FBF1: variants seen among roughly 807,000 people sequenced by gnomAD.
FBF1 encodes the protein fas-binding factor 1.
Under a neutral mutation model 147.2 loss-of-function variants are expected in FBF1, and 119 were observed. The observed-to-expected ratio is 0.81, with a 90% CI of 0.70 to 0.94. FBF1 has a LOEUF of 0.94. FBF1 is among the 40% of genes least tolerant of loss of function. The pLI, the probability that FBF1 is intolerant of heterozygous loss-of-function variation, is 0.00. For synonymous variants in FBF1, 601 were observed against 609.0 expected (o/e 0.99, Z 0.19); for missense variants, 1,449 against 1,500.8 (o/e 0.97, Z 0.57).
rs897899282 is a variant in FBF1 at position 75,919,376 on chromosome 17, C to T, written c.2138+292G>A. 1.3e-5 allele frequency among the ~76,000 whole-genome samples: 2 copies of T among 152,216 alleles called. No homozygotes were observed. Among genetic ancestry groups the T allele is most frequent in the South Asian group, 2.1e-4 (1 of 4,832 alleles). On this transcript the variant is annotated intron_variant, in intron 20 of 29. Transcript: ENST00000636174. The surrounding 1 kb of genome is among the most constrained non-coding windows in gnomAD (Gnocchi z 5.0). Reference sequence around the variant, plus strand: ...TTCTAGCCTCTACTGCATGAGCAGGCGAGTGGATGACCCTGTGCTTAGTTA... The same window carrying T: ...TTCTAGCCTCTACTGCATGAGCAGGTGAGTGGATGACCCTGTGCTTAGTTA...
In FBF1 at chr17:75,918,211, GC is replaced by G; in HGVS notation, c.2196del (p.Leu733Ter). 1 of 1,613,470 alleles carries G rather than the reference GC, an allele frequency of 6.2e-7. No homozygotes were observed. Among genetic ancestry groups the G allele is most frequent in the Non-Finnish European group, 8.5e-7 (1 of 1,179,866 alleles). ...GCCGCATCGACCTCTCGGTCCTTCA[GC>G]AGCTTTAGCCGCTGCAGCTGCTCCT... ...DHEEQLQRLK[L>X]LKDREVDAAT... On this transcript the variant is annotated frameshift_variant, in exon 21 of 30. Transcript: ENST00000636174. LOFTEE classifies it high-confidence loss of function. This position sits in a 1 kb window ranked among gnomAD's most constrained non-coding sequence, Gnocchi z 5.8.
In FBF1 at chr17:75,920,401, C is replaced by T; in HGVS notation, c.1703G>A (p.Ser568Asn). Reference sequence around the variant, plus strand: ...CTGGTATTCTGTGCTCGGCAGCAGGCTCCGGGCCAGGGACTCTGGGAGCAG... The same window carrying T: ...CTGGTATTCTGTGCTCGGCAGCAGGTTCCGGGCCAGGGACTCTGGGAGCAG... Reference protein sequence around the residue: ...QPLLPESLARSLLPSTEYQKQ... With the variant: ...QPLLPESLARNLLPSTEYQKQ... The change falls in exon 18 of 30, where the codon AGC (serine) becomes AAC (asparagine). Residue 568 changes from serine (S) to asparagine (N), a missense_variant. By Grantham distance (46) the Ser-to-Asn change is conservative (BLOSUM62 1). Coordinates refer to ENST00000636174, the MANE Select transcript of FBF1 (RefSeq NM_001319193.2). 3 of 1,607,342 alleles carry T rather than the reference C, an allele frequency of 1.9e-6. No individual in the cohort carries two copies. The highest frequency in any genetic ancestry group is 1.1e-5 in the South Asian group (1 of 89,584).
chr17:75,929,965 AGTTCT>A, intron 7 of FBF1, 27 bp downstream of exon 7: 1 of 82,364 alleles, frequency 1.2e-5, no homozygotes, highest in Non-Finnish European at 2.6e-5. Flanking sequence ...ACCCACCCCC[AGTTCT>A]AAGAATCGTG....
In FBF1 at chr17:75,914,871, A is replaced by G; in HGVS notation, c.2690T>C (p.Leu897Pro). The G allele has an allele frequency of 3.2e-6, 5 of 1,582,632 alleles. No homozygotes were observed. Among genetic ancestry groups the G allele is most frequent in the Non-Finnish European group, 4.3e-6 (5 of 1,163,492 alleles). Reference protein sequence around the residue: ...MLKCGEERRRLAAEWAEFSAQ... With the variant: ...MLKCGEERRRPAAEWAEFSAQ... ...GGAGAACTCCGCCCACTCGGCAGCC[A>G]GGCGCCGCCGCTCCTCCCCGCACTT... Residue 897 changes from leucine to proline, a missense_variant, in exon 25 of 30, where the codon CTG (leucine) becomes CCG (proline). Leu to Pro is a moderately conservative substitution (Grantham distance 98). Coordinates refer to ENST00000636174, the MANE Select transcript of FBF1 (RefSeq NM_001319193.2).
chr17:75,936,259 A>G (rs965905339), intron 3 of FBF1, among the ~76,000 whole-genome samples: 2 of 152,082 alleles, frequency 1.3e-5, no homozygotes, highest in African/African-American at 4.8e-5. Flanking sequence ...GTTTGTAGTG[A>G]GCCGAGATCG....
chr17:75,928,016 C>A lies in FBF1; in HGVS notation c.397+60G>T. 6.5e-6 allele frequency: 9 copies of A among 1,382,510 alleles called. No homozygotes were observed. In the South Asian group the frequency reaches 1.1e-4, roughly 16 times the overall value. 85.6% of individuals were successfully genotyped at this position (1,382,510 alleles called of 1,614,324 possible). ...CTAGCATCTTCCACGTCCTCAAAGT[C>A]TCCCTAGCAGATGCGAGGAGCCGTC... On this transcript the variant is annotated intron_variant, in intron 8 of 29. Transcript: ENST00000636174. This position sits in a 1 kb window ranked among gnomAD's most constrained non-coding sequence, Gnocchi z 4.2.
rs2065544602 is a variant in FBF1, at chr17:75,923,860, C to T, written c.969-219G>A. Among the ~76,000 whole-genome samples the T allele has an allele frequency of 6.6e-6, 1 of 152,178 alleles. No homozygotes were observed. The highest frequency in any genetic ancestry group is 1.5e-5 in the Non-Finnish European group (1 of 68,040). On this transcript the variant is annotated intron_variant, in intron 13 of 29. Transcript: ENST00000636174. The surrounding 1 kb of genome is among the most constrained non-coding windows in gnomAD (Gnocchi z 4.1). ...TGACTTCCATCACATGAACCAGGGA[C>T]AGTTCTACCCACAGAGAACAGGAAC...
chr17:75,939,014 G>T (rs774258460), intron 1 of FBF1, among the ~76,000 whole-genome samples: 1 of 152,008 alleles, frequency 6.6e-6, no homozygotes, highest in Non-Finnish European at 1.5e-5. Context: ...AGTACTCTCA[G>T]GCTGGGCGCG....
At position 75,925,999 on chromosome 17, in the gene FBF1, G is replaced by A. The variant is rs773808063; in HGVS notation, c.868+31C>T. On this transcript the variant is annotated intron_variant, in intron 12 of 29. Transcript: ENST00000636174. This position sits in a 1 kb window ranked among gnomAD's most constrained non-coding sequence, Gnocchi z 5.0. ...AGCCTGATCTAGAGGCCTCCCTCCC[G>A]TCCTGTTGCGGCCCCCGCAAGCCTC... 7.6e-5 allele frequency: 120 copies of A among 1,583,020 alleles called. No homozygotes were observed. The highest frequency in any genetic ancestry group is 2.3e-4 in the Admixed American group (13 of 56,430).
intron 1 of FBF1, chr17:75,939,765 T>C (rs1216092877): frequency 1.3e-5 from 2 of 152,032 alleles, no homozygotes; most frequent in African/African-American, 4.8e-5. Flanking sequence ...TTGAGAACAT[T>C]TTCCTCGGAA....
Position 75,934,863 on chromosome 17 carries a change from G to A in FBF1, c.73+769C>T, listed in dbSNP as rs995800587. ...CATTGCACTCCAGCCTGGGCAACAA[G>A]AGTGAAACTCTGTCTCAAAAAAAAA... On this transcript the variant is annotated intron_variant, in intron 4 of 29. Coordinates refer to ENST00000636174, the MANE Select transcript of FBF1 (RefSeq NM_001319193.2). 3.4e-3 allele frequency among the ~76,000 whole-genome samples: 470 copies of A among 139,362 alleles called. 1 individual carries two copies. The highest frequency in any genetic ancestry group is 0.012 in the African/African-American group (441 of 37,148). The allele number at this position is 139,362 out of a possible 152,430, so 91.4% of individuals were successfully genotyped here. A position where few individuals can be genotyped will look rare whatever the true frequency, so the allele number is the denominator to read the frequency against.
At position 75,938,132 on chromosome 17, in the gene FBF1, C is replaced by T. The variant is rs770315159; in HGVS notation, c.3+15G>A. The T allele has an allele frequency of 6.1e-5, 99 of 1,613,356 alleles. 1 individual carries two copies. Among genetic ancestry groups the T allele is most frequent in the Non-Finnish European group, 7.6e-5 (90 of 1,179,758 alleles). On this transcript the variant is annotated intron_variant, in intron 2 of 29. Transcript: ENST00000636174. ...ATGTTCGCTTTCCATGCATCTTACTCTGAACTCTGCCTACCATCTCACGGC... is the reference window on the plus strand; with the variant it reads ...ATGTTCGCTTTCCATGCATCTTACTTTGAACTCTGCCTACCATCTCACGGC...
intron 6 of FBF1, among the ~76,000 whole-genome samples, chr17:75,930,540 A>C (rs1307766016): frequency 6.6e-6 from 1 of 152,158 alleles, no homozygotes; most frequent in Non-Finnish European, 1.5e-5. Context: ...CGGGTAGATC[A>C]CTTGAGGTCA....
At position 75,918,538 on chromosome 17, in the gene FBF1, C is replaced by T. The variant is rs2065503475; in HGVS notation, c.2139-269G>A. ...TCACCCAGAGTCTCTCACTCTGTCG[C>T]CCAGGCTGGAGTTCAGTGGCATGAT... On this transcript the variant is annotated intron_variant, in intron 20 of 29. Transcript: ENST00000636174. The surrounding 1 kb of genome is among the most constrained non-coding windows in gnomAD (Gnocchi z 5.8). Among the ~76,000 whole-genome samples, 1 of 152,208 alleles carries T rather than the reference C, an allele frequency of 6.6e-6. No individual in the cohort carries two copies. The highest frequency in any genetic ancestry group is 2.1e-4 in the South Asian group (1 of 4,836).
intron 10 of FBF1, among the ~76,000 whole-genome samples, 160 bp from the exon 11 acceptor site, chr17:75,926,586 G>A (rs1475768949): frequency 6.6e-6 from 1 of 152,200 alleles, no homozygotes; most frequent in Non-Finnish European, 1.5e-5. Flanking sequence ...CCTACTCCCA[G>A]ACTCACACGT....
Position 75,915,029 on chromosome 17 carries a change from C to T in FBF1, c.2616G>A (p.Leu872=). The change falls in exon 24 of 30, where the codon CTG becomes CTA. Residue 872 remains leucine (L), a synonymous_variant. Coordinates refer to ENST00000636174, the MANE Select transcript of FBF1 (RefSeq NM_001319193.2). ...TGGCTTGACTCACCTTGGCCCGTTC[C>T]AGCTCCGCCCTTTCCATGGCCATCT... ...AQQMAMERAE[L]ERAKSALLEE... is the part of the protein sequence containing the mutation. 6.2e-7 allele frequency: 1 copy of T among 1,613,526 alleles called. No individual in the cohort carries two copies. The highest frequency in any genetic ancestry group is 1.6e-4 in the Middle Eastern group (1 of 6,062).
In FBF1 at chr17:75,919,936, T is replaced by C; in HGVS notation, c.1932-62A>G. On this transcript the variant is annotated intron_variant, in intron 19 of 29. Transcript: ENST00000636174. The surrounding 1 kb of genome is among the most constrained non-coding windows in gnomAD (Gnocchi z 5.0). ...CAGAGGGCTGCCGCCTAAAGGCCTC[T>C]CCAGGCACACTGGGTGGCCTTTGGG... The C allele has an allele frequency of 6.2e-7, 1 of 1,610,894 alleles. No homozygotes were observed. Among genetic ancestry groups the C allele is most frequent in the Non-Finnish European group, 8.5e-7 (1 of 1,177,742 alleles).
chr17:75,930,957 T>C (rs868445738), intron 6 of FBF1, among the ~76,000 whole-genome samples: 4 of 151,910 alleles, frequency 2.6e-5, no homozygotes, highest in East Asian at 1.9e-4. Flanking sequence ...TAGCCAGTCA[T>C]GGTGGCAGGC....
chr17:75,914,081 C>T, intron 26 of FBF1, 31 bp from the exon 27 acceptor site: 1 of 1,593,652 alleles, frequency 6.3e-7, no homozygotes, highest in Non-Finnish European at 8.5e-7. Context: ...TCAGGGCTGC[C>T]TGGGCTCAGA....
Sources: allele counts gnomAD v4.1 joint callset (sites outside exome capture counted in the v4.1 genomes callset), GRCh38; gene constraint gnomAD v4.1.1; non-coding constraint Gnocchi (gnomAD v3.1); transcripts MANE v1.5; gene names NCBI Gene and HGNC (gene_info 2026-07-23, HGNC 2026-07-21).